Variants in TAF4B observed in about 807,000 individuals in gnomAD.
The protein encoded by TAF4B is TATA-box binding protein associated factor 4b, also known as transcription initiation factor TFIID subunit 4B.
Under a neutral mutation model 86.4 loss-of-function variants are expected in TAF4B, and 38 were observed. That is an observed-to-expected ratio of 0.44 (90% CI 0.34 to 0.58). The LOEUF is 0.58. TAF4B is among the 20% of genes least tolerant of loss of function. The pLI is 0.02. For synonymous variants in TAF4B, 388 were observed against 391.2 expected (o/e 0.99, Z 0.10); for missense variants, 988 against 1,027.6 (o/e 0.96, Z 0.53).
intron 14 of TAF4B, among the ~76,000 whole-genome samples, chr18:26,369,866 G>C (rs1285918229): frequency 6.6e-6 from 1 of 152,194 alleles, no homozygotes; most frequent in Non-Finnish European, 1.5e-5. Context: ...AGCTGCAGAG[G>C]AGTAGCACCT....
chr18:26,232,154 A>G (rs934546226), intron 1 of TAF4B, among the ~76,000 whole-genome samples: 11 of 152,130 alleles, frequency 7.2e-5, no homozygotes, highest in African/African-American at 2.4e-4. Flanking sequence ...ATCCTCTCGT[A>G]AGACAGAAAA....
intron 9 of TAF4B, among the ~76,000 whole-genome samples, chr18:26,313,832 A>C (rs1040569675): frequency 6.6e-6 from 1 of 151,092 alleles, no homozygotes; most frequent in Admixed American, 6.6e-5. Flanking sequence ...TGCCTGGCTA[A>C]TTTTTTTTTG....
chr18:26,356,251 T>C (rs1042240554), intron 13 of TAF4B, among the ~76,000 whole-genome samples: 11 of 152,140 alleles, frequency 7.2e-5, no homozygotes, highest in African/African-American at 2.4e-4. Flanking sequence ...CCCTCATGAC[T>C]TAATCACCTC....
chr18:26,346,815 ATGTGTG>A (rs1305895809), intron 13 of TAF4B, among the ~76,000 whole-genome samples: 1 of 20,790 alleles, frequency 4.8e-5, no homozygotes, highest in Non-Finnish European at 1.2e-4. Context: ...ATATATATAT[ATGTGTG>A]TGTATATATA....
intron 14 of TAF4B, among the ~76,000 whole-genome samples, chr18:26,382,226 G>T (rs1300354820): frequency 6.6e-6 from 1 of 152,156 alleles, no homozygotes; most frequent in Admixed American, 6.5e-5. Flanking sequence ...AGGTAAAACC[G>T]ATCTCTGGAC....
chr18:26,335,348 G>T lies in TAF4B; in HGVS notation c.2316+117G>T, dbSNP rs764194424. 1.1e-4 allele frequency: 88 copies of T among 834,696 alleles called. No homozygotes were observed. The Middle Eastern group carries it at 1.6e-3, about 15-fold the overall frequency. 51.7% of individuals were successfully genotyped at this position (834,696 alleles called of 1,614,324 possible). A position where few individuals can be genotyped will look rare whatever the true frequency, so the allele number is the denominator to read the frequency against. On this transcript the variant is annotated intron_variant, in intron 13 of 14. Transcript: ENST00000269142. Reference sequence around the variant, plus strand: ...TGCATACCATTTGCAGAAGCCTTGGGGAAGGACAGGAACTGCTAAAGGCAA... The same window carrying T: ...TGCATACCATTTGCAGAAGCCTTGGTGAAGGACAGGAACTGCTAAAGGCAA...
chr18:26,254,584 A>G (rs2056054231), intron 1 of TAF4B, among the ~76,000 whole-genome samples: 1 of 152,190 alleles, frequency 6.6e-6, no homozygotes, highest in Non-Finnish European at 1.5e-5. Context: ...AATGTGCCCC[A>G]AGAAGCATTA....
intron 9 of TAF4B, among the ~76,000 whole-genome samples, chr18:26,302,707 G>C (rs2056749648): frequency 6.6e-6 from 1 of 151,764 alleles, no homozygotes; most frequent in Non-Finnish European, 1.5e-5. Flanking sequence ...TTTGGTTTTT[G>C]TTTTTGCTAT....
chr18:26,288,951 G>A (rs1441751322), intron 7 of TAF4B, among the ~76,000 whole-genome samples: 1 of 151,894 alleles, frequency 6.6e-6, no homozygotes, highest in Non-Finnish European at 1.5e-5. Context: ...TTTCTTGTTT[G>A]TCCTTTGTTT....
intron 6 of TAF4B, among the ~76,000 whole-genome samples, chr18:26,285,362 A>G (rs962341047): frequency 6.7e-6 from 1 of 149,978 alleles, no homozygotes; most frequent in Non-Finnish European, 1.5e-5. Flanking sequence ...TAATTTTTGT[A>G]TTTTTTGTAT....
chr18:26,306,187 T>C (rs949204365), intron 9 of TAF4B, among the ~76,000 whole-genome samples: 1 of 152,178 alleles, frequency 6.6e-6, no homozygotes, highest in African/African-American at 2.4e-5. Context: ...GTTTTTAATG[T>C]TTAATTTTGG....
chr18:26,298,825 A>C (rs1048067895), intron 9 of TAF4B, among the ~76,000 whole-genome samples: 1 of 140,344 alleles, frequency 7.1e-6, no homozygotes, highest in Non-Finnish European at 1.5e-5. Context: ...GATTACAGGC[A>C]TGAGCCACCA....
chr18:26,328,783 C>T (rs1306095214), intron 12 of TAF4B, among the ~76,000 whole-genome samples: 6 of 151,958 alleles, frequency 3.9e-5, no homozygotes, highest in East Asian at 3.9e-4. Context: ...CCACGCCCGG[C>T]GAATTTTTTG....
intron 14 of TAF4B, among the ~76,000 whole-genome samples, chr18:26,381,118 G>A (rs1189985900): frequency 6.6e-6 from 1 of 151,876 alleles, no homozygotes; most frequent in Non-Finnish European, 1.5e-5. Flanking sequence ...AGGTTCAAGC[G>A]ATCCTCCCAC....
intron 9 of TAF4B, among the ~76,000 whole-genome samples, chr18:26,312,708 G>A (rs1791780): frequency 0.4 from 60,071 of 151,946 alleles, 14,270 homozygotes; most frequent in East Asian, 0.81. Context: ...GCAATTTCCA[G>A]GGGCCTGTGT....
intron 14 of TAF4B, among the ~76,000 whole-genome samples, chr18:26,387,041 A>G (rs979411880): frequency 4.5e-4 from 69 of 152,134 alleles, no homozygotes; most frequent in African/African-American, 1.6e-3. Flanking sequence ...TGGCTAAAGA[A>G]ATTGCCTCTA....
At chr18:26,324,941 A>AT (rs1427086494) in intron 11 of TAF4B, among the ~76,000 whole-genome samples, 4 of 152,104 alleles carry the variant, frequency 2.6e-5, no homozygotes, top group African/African-American at 7.2e-5. Flanking sequence ...GATAGGATTT[A>AT]TTTTTATCTG....
intron 1 of TAF4B, among the ~76,000 whole-genome samples, chr18:26,239,619 T>C (rs1200231758): frequency 6.6e-6 from 1 of 152,252 alleles, no homozygotes; most frequent in East Asian, 1.9e-4. Context: ...ATTTTGGCTT[T>C]TGTTGCCATT....
rs139921981 is a variant in TAF4B, at chr18:26,368,008, G to T, written c.2421+10214G>T. ...ATTTTTTATTTATTGCATCTCTACC[G>T]TTCCTTTGTGCTCTCTTCAAAGGTC... On this transcript the variant is annotated intron_variant, in intron 14 of 14. Coordinates refer to ENST00000269142, the MANE Select transcript of TAF4B (RefSeq NM_005640.3). 4.6e-5 allele frequency among the ~76,000 whole-genome samples: 7 copies of T among 152,158 alleles called. No individual in the cohort carries two copies. The East Asian group carries it at 1.3e-3, about 29-fold the overall frequency.
Sources: allele counts gnomAD v4.1 joint callset (sites outside exome capture counted in the v4.1 genomes callset), GRCh38; gene constraint gnomAD v4.1.1; transcripts MANE v1.5; gene names NCBI Gene and HGNC (gene_info 2026-07-23, HGNC 2026-07-21).